The following SNAP23 variants were observed in gnomAD, a reference collection of about 807,000 sequenced individuals.
SNAP23 encodes the protein synaptosomal-associated protein 23.
A neutral mutation model predicts 29.0 loss-of-function variants in SNAP23; 11 were observed. The observed-to-expected ratio is 0.38, with a 90% CI of 0.24 to 0.63. The LOEUF is 0.63. Ranked by LOEUF, SNAP23 falls within the 20% of genes least tolerant of loss-of-function variation. The pLI, the probability that SNAP23 is intolerant of heterozygous loss-of-function variation, is 0.58. For synonymous variants in SNAP23, 60 were observed against 82.9 expected (o/e 0.72, Z 1.50); for missense variants, 220 against 253.9 (o/e 0.87, Z 0.91).
intron 4 of SNAP23, among the ~76,000 whole-genome samples, chr15:42,514,952 C>T (rs972957319): frequency 2.4e-4 from 37 of 152,198 alleles, no homozygotes; most frequent in African/African-American, 7.9e-4. Context: ...TCGCCCACCT[C>T]GGCCTCCCAA....
upstream of SNAP23, among the ~76,000 whole-genome samples, chr15:42,494,579 G>T (rs887675240): frequency 1.3e-5 from 2 of 149,848 alleles, no homozygotes; most frequent in Admixed American, 6.7e-5. Flanking sequence ...GCAATGGCAT[G>T]ATCTTGGCCC....
upstream of SNAP23, among the ~76,000 whole-genome samples, chr15:42,493,452 C>T (rs1206611357): frequency 6.6e-6 from 1 of 151,964 alleles, no homozygotes; most frequent in African/African-American, 2.4e-5. Context: ...GTTTCCCTGT[C>T]ATCACAATAA....
intron 5 of SNAP23, among the ~76,000 whole-genome samples, chr15:42,525,034 T>C (rs939302639): frequency 3.9e-5 from 6 of 152,060 alleles, no homozygotes; most frequent in Non-Finnish European, 8.8e-5. Flanking sequence ...CCCCATCCCA[T>C]TTGAAGGTAA....
chr15:42,497,605 G>A (rs1038661076), intron 1 of SNAP23, among the ~76,000 whole-genome samples: 1 of 151,914 alleles, frequency 6.6e-6, no homozygotes, highest in Non-Finnish European at 1.5e-5. Context: ...ATCTTCCCAA[G>A]GTGCTGGGAT....
At position 42,495,706 on chromosome 15, in the gene SNAP23, C is replaced by T. The variant is rs556128760; in HGVS notation, c.-22C>T. 1 of 152,740 alleles carries T rather than the reference C, an allele frequency of 6.5e-6. No homozygotes were observed. The highest frequency in any genetic ancestry group is 2.4e-5 in the African/African-American group (1 of 41,572). 9.5% of individuals were successfully genotyped at this position (152,740 alleles called of 1,614,324 possible). A position where few individuals can be genotyped will look rare whatever the true frequency, so the allele number is the denominator to read the frequency against. On this transcript the variant is annotated 5_prime_UTR_variant, in exon 1 of 8. Coordinates refer to ENST00000249647, the MANE Select transcript of SNAP23 (RefSeq NM_003825.4). ...TTGCCGCCGGAGAGGAGTGGCCTCG[C>T]CCGCTTGGTGAGTCTCCAGGAGTGG... is the stretch of plus-strand genomic sequence containing the variant.
intron 1 of SNAP23, among the ~76,000 whole-genome samples, chr15:42,506,525 G>A (rs1277749820): frequency 6.6e-6 from 1 of 152,164 alleles, no homozygotes; most frequent in East Asian, 1.9e-4. Context: ...GGCATGAGCC[G>A]CTGTGCCTAG....
At chr15:42,530,245 A>G (rs751384649) in intron 7 of SNAP23, among the ~76,000 whole-genome samples, 1 of 152,096 alleles carries the variant, frequency 6.6e-6, no homozygotes. Flanking sequence ...ACATCAGCCT[A>G]TTTTGTTAAC....
upstream of SNAP23, among the ~76,000 whole-genome samples, chr15:42,491,917 G>GTTAC (rs1352101426): frequency 6.7e-6 from 1 of 150,022 alleles, no homozygotes; most frequent in Non-Finnish European, 1.5e-5. Flanking sequence ...TAGTTAGTTA[G>GTTAC]TTAGTTATTT....
At chr15:42,525,424 A>G (rs1249134507) in intron 5 of SNAP23, among the ~76,000 whole-genome samples, 1 of 146,464 alleles carries the variant, frequency 6.8e-6, no homozygotes, top group Non-Finnish European at 1.5e-5. Context: ...CTTGTTACAG[A>G]AAGAACATCT....
At chr15:42,526,216 C>G (rs1252039037) in intron 5 of SNAP23, among the ~76,000 whole-genome samples, 1 of 152,310 alleles carries the variant, frequency 6.6e-6, no homozygotes, top group Non-Finnish European at 1.5e-5. Flanking sequence ...AGCACTTACT[C>G]TGCTCTAGAA....
In SNAP23 at chr15:42,511,865, G is replaced by T; in HGVS notation, c.19G>T (p.Glu7Ter). 6.3e-7 allele frequency: 1 copy of T among 1,596,954 alleles called. No individual in the cohort carries two copies. The highest frequency in any genetic ancestry group is 8.5e-7 in the Non-Finnish European group (1 of 1,170,682). The change falls in exon 2 of 8, where the codon GAA becomes TAA. Residue 7 changes from glutamate to a stop codon, truncating the protein, a stop_gained. Transcript: ENST00000249647. LOFTEE classifies it high-confidence loss of function. ...ATTCATCATGGATAATCTGTCATCA[G>T]AAGAAATTCAACAGAGAGCTCACCA... MDNLSS[E>*]EIQQRAHQIT...
intron 2 of SNAP23, 28 bp from the exon 3 acceptor site, chr15:42,512,927 A>T (rs924208921): frequency 1.0e-5 from 16 of 1,577,300 alleles, no homozygotes; most frequent in Non-Finnish European, 1.4e-5. Flanking sequence ...CATATTTTGG[A>T]ATGCTAAAAT....
chr15:42,512,115 G>T, intron 2 of SNAP23: 1 of 317,524 alleles, frequency 3.1e-6, no homozygotes, highest in Non-Finnish European at 5.8e-6. Context: ...TATTTTTTAG[G>T]TAATTATTAA....
Position 42,508,799 on chromosome 15 carries a change from T to G in SNAP23, c.-14-3034T>G, listed in dbSNP as rs188021350. ...GCAATAATCACCTCTAGGAATAGAA[T>G]TACAAAATTACATAATTTGTGATAT... is the stretch of plus-strand genomic sequence containing the variant. On this transcript the variant is annotated intron_variant, in intron 1 of 7. Coordinates refer to ENST00000249647, the MANE Select transcript of SNAP23 (RefSeq NM_003825.4). 6.6e-5 allele frequency among the ~76,000 whole-genome samples: 10 copies of G among 152,278 alleles called. No homozygotes were observed. In the East Asian group the frequency reaches 1.9e-3, roughly 29 times the overall value.
chr15:42,513,356 G>C, intron 3 of SNAP23, 43 bp from the exon 4 acceptor site: 1 of 1,563,456 alleles, frequency 6.4e-7, no homozygotes, highest in Non-Finnish European at 8.8e-7. Context: ...TGTTGTTTTT[G>C]GTTTGTTTTG....
At chr15:42,494,386 C>A (rs190899406), upstream of SNAP23, among the ~76,000 whole-genome samples, 1 of 148,888 alleles carries the variant, frequency 6.7e-6, no homozygotes, top group Admixed American at 6.7e-5. Flanking sequence ...CTACTTACTC[C>A]TTGAAGCACT....
In SNAP23 at chr15:42,511,894, T is replaced by A. The variant is rs111858985; in HGVS notation, c.48T>A (p.Ile16=). 1.9e-6 allele frequency: 3 copies of A among 1,589,958 alleles called. No individual in the cohort carries two copies. Among genetic ancestry groups the A allele is most frequent in the East Asian group, 4.5e-5 (2 of 44,382 alleles). The change falls in exon 2 of 8, where the codon ATT becomes ATA. Residue 16 remains isoleucine, a synonymous_variant. Transcript: ENST00000249647. ...SEEIQQRAHQ[I]TDESLESTRR... is the part of the protein sequence containing the mutation. ...AAATTCAACAGAGAGCTCACCAGATTACTGATGAGGTAAATGTTTTACCTA... is the reference window on the plus strand; with the variant it reads ...AAATTCAACAGAGAGCTCACCAGATAACTGATGAGGTAAATGTTTTACCTA...
At chr15:42,496,586 A>T (rs2057221744) in intron 1 of SNAP23, among the ~76,000 whole-genome samples, 2 of 152,066 alleles carry the variant, frequency 1.3e-5, no homozygotes, top group African/African-American at 4.8e-5. Flanking sequence ...GCGTGGTGGT[A>T]TATGCTTGTA....
intron 1 of SNAP23, among the ~76,000 whole-genome samples, chr15:42,501,453 G>C (rs769492239): frequency 1.2e-3 from 179 of 152,178 alleles, no homozygotes; most frequent in Admixed American, 2.6e-3. Flanking sequence ...AGGCTGGGGT[G>C]CAATGGCATG....
Sources: gnomAD v4.1 joint callset for allele counts (sites outside exome capture counted in the v4.1 genomes callset) on GRCh38, gnomAD v4.1.1 for gene constraint, MANE v1.5 for transcripts, NCBI Gene and HGNC (gene_info 2026-07-23, HGNC 2026-07-21) for gene names.